Variants in CSMD1 observed in about 807,000 individuals in gnomAD.
CSMD1 encodes CUB and Sushi multiple domains 1.
In CSMD1, 213 loss-of-function variants were observed where a neutral mutation model predicts 417.5. That is an observed-to-expected ratio of 0.51 (90% CI 0.46 to 0.57). The LOEUF is 0.57. Ranked by LOEUF, CSMD1 falls within the 20% of genes least tolerant of loss-of-function variation. CSMD1 has a pLI of 0.00. For synonymous variants in CSMD1, 2,862 were observed against 1,736.8 expected, an observed-to-expected ratio of 1.65 and a Z score of -16.11; for missense variants, 6,923 against 4,529.7, an observed-to-expected ratio of 1.53 and a Z score of -15.17.
At chr8:3,511,512 T>A (rs1461600927) in intron 10 of CSMD1, among the ~76,000 whole-genome samples, 1 of 151,666 alleles carries the variant, frequency 6.6e-6, no homozygotes, top group Non-Finnish European at 1.5e-5. Context: ...CCCTGCACTT[T>A]GGGAGGCCGA....
intron 2 of CSMD1, among the ~76,000 whole-genome samples, chr8:4,453,823 T>TTTC (rs1799303219): frequency 7.8e-6 from 1 of 127,982 alleles, no homozygotes; most frequent in Non-Finnish European, 1.7e-5. Context: ...TCTTTTTTTT[T>TTTC]TTTTTTTTTT....
At chr8:4,974,652 G>A (rs1215124898) in intron 1 of CSMD1, among the ~76,000 whole-genome samples, 6 of 152,090 alleles carry the variant, frequency 3.9e-5, no homozygotes, top group Non-Finnish European at 2.9e-5. Context: ...GCAGTTGGAA[G>A]GCATGTACAA....
chr8:3,310,467 T>G (rs60661845), intron 23 of CSMD1, among the ~76,000 whole-genome samples: 2 of 152,182 alleles, frequency 1.3e-5, no homozygotes, highest in African/African-American at 4.8e-5. Context: ...TGATTCTCCC[T>G]GGCCACACTT....
chr8:4,378,474 AG>A (rs1802893837), intron 3 of CSMD1, among the ~76,000 whole-genome samples: 1 of 152,152 alleles, frequency 6.6e-6, no homozygotes, highest in South Asian at 2.1e-4. Flanking sequence ...CTGTCTCCCT[AG>A]TTTTTATCCC....
chr8:3,791,774 C>A (rs10089634), intron 5 of CSMD1, among the ~76,000 whole-genome samples: 2 of 151,832 alleles, frequency 1.3e-5, no homozygotes, highest in Non-Finnish European at 2.9e-5. Flanking sequence ...AGTGAGCCGA[C>A]GTCGCAGCAC....
intron 3 of CSMD1, among the ~76,000 whole-genome samples, chr8:4,153,215 C>G (rs534749284): frequency 1.3e-5 from 2 of 152,314 alleles, no homozygotes; most frequent in Non-Finnish European, 1.5e-5. Context: ...AACTCAGCAA[C>G]TCACCCAAGG....
intron 7 of CSMD1, among the ~76,000 whole-genome samples, chr8:3,697,470 C>T (rs1800618056): frequency 6.6e-6 from 1 of 152,134 alleles, no homozygotes; most frequent in Admixed American, 6.6e-5. Context: ...ACTTAGTTTG[C>T]TTGTGTATAA....
intron 5 of CSMD1, among the ~76,000 whole-genome samples, chr8:3,909,786 G>C (rs1363230097): frequency 6.6e-6 from 1 of 152,148 alleles, no homozygotes; most frequent in African/African-American, 2.4e-5. Context: ...AATTTGAAAA[G>C]TGTTTAATAA....
intron 3 of CSMD1, among the ~76,000 whole-genome samples, chr8:4,270,191 C>G (rs1804496826): frequency 6.6e-6 from 1 of 152,218 alleles, no homozygotes; most frequent in Admixed American, 6.5e-5. Context: ...AAGGAGTTGA[C>G]ATAGCCGCGT....
chr8:3,574,656 C>T (rs981875059), intron 10 of CSMD1, among the ~76,000 whole-genome samples: 1 of 152,006 alleles, frequency 6.6e-6, no homozygotes. Context: ...GTGGATGAGA[C>T]CTGAGTTGAA....
rs551169084 is a variant in CSMD1 at position 4,633,142 on chromosome 8, C to T, written c.302+4200G>A. 5.9e-5 allele frequency among the ~76,000 whole-genome samples: 9 copies of T among 152,228 alleles called. No homozygotes were observed. In the South Asian group the frequency reaches 1.0e-3, roughly 18 times the overall value. ...AGGATCGTGCATTGGTCTATGTGAA[C>T]GCTCAGGACAGCCTGTGCCAGGACA... On this transcript the variant is annotated intron_variant, in intron 2 of 69. Transcript: ENST00000635120.
Position 3,219,381 on chromosome 8 carries a change from G to C in CSMD1, c.4546C>G (p.Pro1516Ala), listed in dbSNP as rs1014386803. Reference protein sequence around the residue: ...HIYEGEDSNSPLIGSYQGSQA... With the variant: ...HIYEGEDSNSALIGSYQGSQA... The stretch of plus-strand genomic sequence containing the variant: ...GAGCCCTGGTAACTCCCAATGAGGG[G>C]GCTGTTGGAATCTTCCCCTTCATAG... The change falls in exon 29 of 70, where the codon CCC becomes GCC. Residue 1516 changes from proline to alanine, a missense_variant. By Grantham distance (27) the Pro-to-Ala change is conservative. Coordinates refer to ENST00000635120, the MANE Select transcript of CSMD1 (RefSeq NM_033225.6). 6.4e-7 allele frequency: 1 copy of C among 1,567,540 alleles called. No individual in the cohort carries two copies. Among genetic ancestry groups the C allele is most frequent in the Non-Finnish European group, 8.7e-7 (1 of 1,155,840 alleles).
intron 1 of CSMD1, among the ~76,000 whole-genome samples, chr8:4,837,049 C>G (rs1278970261): frequency 6.7e-6 from 1 of 149,406 alleles, no homozygotes. Flanking sequence ...TAAGAGACCA[C>G]CCATAAGACA....
At chr8:4,849,560 T>C (rs932613778) in intron 1 of CSMD1, among the ~76,000 whole-genome samples, 1 of 152,216 alleles carries the variant, frequency 6.6e-6, no homozygotes, top group Non-Finnish European at 1.5e-5. Context: ...ACAAGTACTC[T>C]ATACAGGTGT....
chr8:4,898,349 T>C lies in CSMD1; in HGVS notation c.85+95983A>G, dbSNP rs116189408. 8.2e-3 allele frequency among the ~76,000 whole-genome samples: 1,240 copies of C among 151,990 alleles called. 30 individuals carry two copies. Among genetic ancestry groups the C allele is most frequent in the African/African-American group, 0.029 (1,185 of 41,286 alleles). ...GGTCCATTAGATTTATAATTATTTG[T>C]TGCAATTTCTGTGTCACACCTGCCA... On this transcript the variant is annotated intron_variant, in intron 1 of 69. Coordinates refer to ENST00000635120, the MANE Select transcript of CSMD1 (RefSeq NM_033225.6).
intron 3 of CSMD1, among the ~76,000 whole-genome samples, chr8:4,418,820 G>C (rs1179410368): frequency 6.6e-6 from 1 of 152,128 alleles, no homozygotes; most frequent in African/African-American, 2.4e-5. Context: ...AAAGGTGATA[G>C]ACCCTTTCCA....
rs540953209 is a variant in CSMD1, at chr8:3,141,942, C to T, written c.6241+523G>A. Among the ~76,000 whole-genome samples the T allele has an allele frequency of 2.7e-3, 409 of 151,812 alleles. 1 individual carries two copies. Among genetic ancestry groups the T allele is most frequent in the Non-Finnish European group, 4.7e-3 (317 of 67,770 alleles). On this transcript the variant is annotated intron_variant, in intron 41 of 69. Coordinates refer to ENST00000635120, the MANE Select transcript of CSMD1 (RefSeq NM_033225.6). ...CCTCCCGAGTAGCTGGGACTACAGG[C>T]GCCCGCCACTATGCCCAGCTAATTT... is the stretch of plus-strand genomic sequence containing the variant.
chr8:4,203,863 G>A (rs778179859), intron 3 of CSMD1, among the ~76,000 whole-genome samples: 5 of 152,270 alleles, frequency 3.3e-5, no homozygotes, highest in East Asian at 1.9e-4. Context: ...ACTTTTGGAA[G>A]GCTGAGGTAG....
intron 6 of CSMD1, among the ~76,000 whole-genome samples, chr8:3,741,232 A>AC (rs1194101563): frequency 3.9e-4 from 59 of 151,156 alleles, no homozygotes; most frequent in Non-Finnish European, 7.4e-4. Context: ...AAAAAAAAAA[A>AC]AAAAAAAAAC....
Sources: allele counts gnomAD v4.1 joint callset (sites outside exome capture counted in the v4.1 genomes callset), GRCh38; gene constraint gnomAD v4.1.1; transcripts MANE v1.5; gene names NCBI Gene and HGNC (gene_info 2026-07-23, HGNC 2026-07-21).